Variants in BMPER observed in about 807,000 individuals in gnomAD.
The protein encoded by BMPER is BMP-binding endothelial regulator protein.
A neutral mutation model predicts 87.3 loss-of-function variants in BMPER; 45 were observed. The ratio of observed to expected loss-of-function variants is 0.52; its 90% CI spans 0.41 to 0.66. The LOEUF (loss-of-function observed/expected upper bound fraction) is 0.66. Among genes scored for constraint, BMPER ranks in the 30% least tolerant of loss-of-function variants. The pLI, the probability that BMPER is intolerant of heterozygous loss-of-function variation, is 0.00. For synonymous variants in BMPER, 326 were observed against 316.2 expected (o/e 1.03, Z -0.33); for missense variants, 784 against 867.5 (o/e 0.90, Z 1.21).
intron 2 of BMPER, among the ~76,000 whole-genome samples, chr7:33,929,181 T>C (rs1480418214): frequency 6.6e-6 from 1 of 152,118 alleles, no homozygotes; most frequent in Non-Finnish European, 1.5e-5. Context: ...GGGTAAAGAC[T>C]CGTTGAGCCT....
chr7:33,905,781 GACGC>G, intron 1 of BMPER, 35 bp downstream of exon 1: 1 of 1,472,782 alleles, frequency 6.8e-7, no homozygotes, highest in Non-Finnish European at 9.2e-7. Context: ...GGCCCTCCGG[GACGC>G]CGGTTTGGTA....
At chr7:33,978,856 T>C (rs1235042245) in intron 6 of BMPER, among the ~76,000 whole-genome samples, 3 of 152,202 alleles carry the variant, frequency 2.0e-5, no homozygotes, top group Admixed American at 1.3e-4. Context: ...TAATAAACTA[T>C]TGAATAGCTC....
At chr7:34,148,678 C>T (rs1791091685) in intron 14 of BMPER, among the ~76,000 whole-genome samples, 1 of 152,022 alleles carries the variant, frequency 6.6e-6, no homozygotes, top group Non-Finnish European at 1.5e-5. Flanking sequence ...AGGGACATAC[C>T]AGTCCTTAAT....
intron 2 of BMPER, among the ~76,000 whole-genome samples, chr7:33,933,748 A>T (rs1368409497): frequency 3.9e-5 from 6 of 152,130 alleles, no homozygotes; most frequent in African/African-American, 1.4e-4. Flanking sequence ...CACCAGGAAG[A>T]CACCAATCTC....
chr7:34,090,688 T>C (rs1789356516), intron 13 of BMPER, among the ~76,000 whole-genome samples: 1 of 152,172 alleles, frequency 6.6e-6, no homozygotes, highest in African/African-American at 2.4e-5. Context: ...ACTCACATCT[T>C]GGAAGAAATT....
At chr7:33,913,159 G>C (rs1036640264) in intron 2 of BMPER, among the ~76,000 whole-genome samples, 1 of 152,192 alleles carries the variant, frequency 6.6e-6, no homozygotes, top group Non-Finnish European at 1.5e-5. Flanking sequence ...GGACCGTGAT[G>C]TGGGAGGAGA....
At chr7:33,921,729 G>A (rs1443746525) in intron 2 of BMPER, 2 of 470,880 alleles carry the variant, frequency 4.2e-6, no homozygotes, top group African/African-American at 4.0e-5. Flanking sequence ...GGGATGGGTA[G>A]CAGCTGCAGG....
At position 33,947,649 on chromosome 7, in the gene BMPER, GAATT is replaced by G. The variant is rs1371799836; in HGVS notation, c.319+10264_319+10267del. 1.4e-4 allele frequency among the ~76,000 whole-genome samples: 22 copies of G among 152,290 alleles called. No homozygotes were observed. In the East Asian group the frequency reaches 1.9e-3, roughly 13 times the overall value. On this transcript the variant is annotated intron_variant, in intron 3 of 14. Coordinates refer to ENST00000649409, the MANE Select transcript of BMPER (RefSeq NM_001365308.1). Reference sequence around the variant, plus strand: ...AACTGCCCTAGGTTCTGATAAATAAGAATTAAAGAGCAAAACATGCATTGTGAAA... The same window carrying G: ...AACTGCCCTAGGTTCTGATAAATAAGAAAGAGCAAAACATGCATTGTGAAA...
At chr7:34,123,985 C>T (rs569065060) in intron 13 of BMPER, among the ~76,000 whole-genome samples, 75 of 152,266 alleles carry the variant, frequency 4.9e-4, no homozygotes, top group Admixed American at 1.7e-3. Context: ...TAATGCTTGG[C>T]ACATAGAGAG....
chr7:33,935,484 G>C (rs147665436), intron 2 of BMPER, among the ~76,000 whole-genome samples: 1 of 152,236 alleles, frequency 6.6e-6, no homozygotes, highest in South Asian at 2.1e-4. Context: ...GTTGTAATGT[G>C]CAGCTAAGGA....
At chr7:33,973,859 GTT>G (rs56012194) in intron 5 of BMPER, among the ~76,000 whole-genome samples, 90,430 of 151,790 alleles carry the variant, frequency 0.6, 27,169 homozygotes, top group Middle Eastern at 0.65. Flanking sequence ...GTGACATGGG[GTT>G]CCTGTCTGGT....
At chr7:34,144,346 A>G (rs1399715280) in intron 14 of BMPER, among the ~76,000 whole-genome samples, 1 of 151,690 alleles carries the variant, frequency 6.6e-6, no homozygotes, top group Admixed American at 6.6e-5. Flanking sequence ...AGGACTTGGC[A>G]GGGCTTTGAA....
At chr7:33,909,543 C>T (rs892763900) in intron 2 of BMPER, among the ~76,000 whole-genome samples, 2 of 151,850 alleles carry the variant, frequency 1.3e-5, no homozygotes, top group African/African-American at 4.8e-5. Flanking sequence ...TATGTATGTA[C>T]ATTAAGAGGG....
At chr7:34,129,601 AGAGAGAGAAAGAGAGAG>A (rs1790504007) in intron 13 of BMPER, among the ~76,000 whole-genome samples, 1 of 130,390 alleles carries the variant, frequency 7.7e-6, no homozygotes, top group African/African-American at 3.1e-5. Flanking sequence ...AGAGAGAGAG[AGAGAGAGAAAGAGAGAG>A]AGAGAGAAAG....
chr7:33,942,885 G>A (rs1290790454), intron 3 of BMPER, among the ~76,000 whole-genome samples: 2 of 152,176 alleles, frequency 1.3e-5, no homozygotes, highest in South Asian at 4.1e-4. Flanking sequence ...ATGTTGAAGT[G>A]CTGGGGAATG....
At chr7:34,001,186 G>A (rs1003250887) in intron 6 of BMPER, among the ~76,000 whole-genome samples, 2 of 151,780 alleles carry the variant, frequency 1.3e-5, no homozygotes, top group African/African-American at 4.8e-5. Context: ...AGGCTTCATA[G>A]AACAGGTTGG....
intron 2 of BMPER, 113 bp from the exon 3 acceptor site, chr7:33,937,176 T>C (rs1349194883): frequency 1.4e-5 from 16 of 1,106,544 alleles, no homozygotes; most frequent in Non-Finnish European, 2.0e-5. Flanking sequence ...AGCGTCTTCT[T>C]GCCAAGTGAA....
rs1387009428 is a variant in BMPER at position 33,919,319 on chromosome 7, AG to A, written c.219+12418del. On this transcript the variant is annotated intron_variant, in intron 2 of 14. Coordinates refer to ENST00000649409, the MANE Select transcript of BMPER (RefSeq NM_001365308.1). ...TTTTCAAGGGAGATATTTATCCTCC[AG>A]GTTATTGCAAGGGATATATAATCCT... Among the ~76,000 whole-genome samples the A allele has an allele frequency of 3.3e-5, 5 of 152,312 alleles. No homozygotes were observed. In the East Asian group the frequency reaches 9.6e-4, roughly 29 times the overall value.
intron 11 of BMPER, 31 bp from the exon 12 acceptor site, chr7:34,078,826 G>T: frequency 6.2e-7 from 1 of 1,610,674 alleles, no homozygotes; most frequent in Non-Finnish European, 8.5e-7. Flanking sequence ...CTTGGTTTGT[G>T]ACCCGGCTTT....
Sources: allele counts gnomAD v4.1 joint callset (sites outside exome capture counted in the v4.1 genomes callset), GRCh38; gene constraint gnomAD v4.1.1; transcripts MANE v1.5; gene names NCBI Gene and HGNC (gene_info 2026-07-23, HGNC 2026-07-21).